ZDHHC5: variants seen among roughly 807,000 people sequenced by gnomAD.
The protein encoded by ZDHHC5 is palmitoyltransferase ZDHHC5.
In ZDHHC5, 22 loss-of-function variants were observed where a neutral mutation model predicts 70.0. The observed-to-expected ratio is 0.31, with a 90% CI of 0.22 to 0.45. ZDHHC5 has a LOEUF of 0.45. ZDHHC5 is among the 20% of genes least tolerant of loss of function. The probability of loss-of-function intolerance (pLI) is 1.00; values close to 1 mark genes in which losing one functional copy is unlikely to be tolerated. For missense variants in ZDHHC5, 746 were observed against 926.9 expected (o/e 0.80, Z 2.53); for synonymous variants, 313 against 347.8 (o/e 0.90, Z 1.11).
intron 3 of ZDHHC5, among the ~76,000 whole-genome samples, chr11:57,683,629 C>T (rs1304323362): frequency 6.6e-6 from 1 of 152,184 alleles, no homozygotes; most frequent in East Asian, 1.9e-4. Context: ...CAGATAGTTA[C>T]CCAGTGGGCA....
intron 8 of ZDHHC5, 133 bp from the exon 9 acceptor site, chr11:57,695,787 C>T: frequency 8.4e-7 from 1 of 1,192,546 alleles, no homozygotes; most frequent in Non-Finnish European, 1.1e-6. Context: ...CAGAGTGAGA[C>T]CTTGTCTCAA....
At position 57,672,101 on chromosome 11, in the gene ZDHHC5, A is replaced by G. The variant is rs1946014044; in HGVS notation, c.-990A>G. The G allele has an allele frequency of 1.3e-5, 5 of 395,192 alleles. No homozygotes were observed. The highest frequency in any genetic ancestry group is 2.2e-5 in the Non-Finnish European group (5 of 224,478). The allele number at this position is 395,192 out of a possible 1,614,324, so 24.5% of individuals were successfully genotyped here. ...AGATAAGAGACATTGACTAGTCTGG[A>G]AACAGGGACATCTTTGGAACTTCGT... On this transcript the variant is annotated 5_prime_UTR_variant, in exon 2 of 12. Coordinates refer to ENST00000287169, the MANE Select transcript of ZDHHC5 (RefSeq NM_015457.3).
At position 57,698,619 on chromosome 11, in the gene ZDHHC5, A is replaced by C. The variant is rs941340909; in HGVS notation, c.1183A>C (p.Ser395Arg). The change falls in exon 11 of 12, where the codon AGC (serine) becomes CGC (arginine). Residue 395 changes from serine to arginine, a missense_variant. Transcript: ENST00000287169. ...TSIAESSRHP[S>R]YRSEPSLEPE... ...AATTGCAGAGAGCAGCCGTCACCCC[A>C]GCTACCGCTCAGAGCCCAGCTTGGA... The C allele has an allele frequency of 5.0e-6, 8 of 1,614,058 alleles. No homozygotes were observed. The highest frequency in any genetic ancestry group is 6.8e-6 in the Non-Finnish European group (8 of 1,179,960).
chr11:57,690,522 C>G (rs530951587), intron 6 of ZDHHC5, 85 bp downstream of exon 6: 1 of 1,337,428 alleles, frequency 7.5e-7, no homozygotes, highest in East Asian at 2.3e-5. Context: ...AGTGCTTCCA[C>G]AAAGAGATGC....
intron 6 of ZDHHC5, 145 bp downstream of exon 6, chr11:57,690,582 G>T: frequency 1.1e-6 from 1 of 872,120 alleles, no homozygotes. Flanking sequence ...AGGGAGTGAG[G>T]TAGTCCTAGT....
chr11:57,668,756 C>A (rs1945960906), intron 1 of ZDHHC5, among the ~76,000 whole-genome samples: 3 of 152,236 alleles, frequency 2.0e-5, no homozygotes, highest in Admixed American at 2.0e-4. Context: ...CTCCTCCTAC[C>A]GCCACCAGCC....
At chr11:57,692,571 G>C in intron 6 of ZDHHC5, 40 bp from the exon 7 acceptor site, 2 of 1,590,452 alleles carry the variant, frequency 1.3e-6, no homozygotes, top group Non-Finnish European at 1.7e-6. Flanking sequence ...TGGAAGTCAA[G>C]GTCTCATCTT....
chr11:57,687,430 C>T (rs760828689), intron 3 of ZDHHC5, among the ~76,000 whole-genome samples: 16 of 151,888 alleles, frequency 1.1e-4, no homozygotes, highest in African/African-American at 3.1e-4. Flanking sequence ...AAATTAGCTG[C>T]CGAAGTGGCG....
At chr11:57,680,737 G>T (rs935306238) in intron 2 of ZDHHC5, among the ~76,000 whole-genome samples, 1 of 152,236 alleles carries the variant, frequency 6.6e-6, no homozygotes, top group South Asian at 2.1e-4. Context: ...TCCTTCTTAA[G>T]GAACCTAGGA....
Position 57,685,278 on chromosome 11 carries a change from T to C in ZDHHC5, c.226+2735T>C, listed in dbSNP as rs187780785. Among the ~76,000 whole-genome samples, 13 of 152,366 alleles carry C rather than the reference T, an allele frequency of 8.5e-5. No homozygotes were observed. In the East Asian group the frequency reaches 2.5e-3, roughly 29 times the overall value. ...CTAAAGCCAAGAAAGGCTATTTTAA[T>C]GAGCCTTTAATGTTCATTCATCAAA... On this transcript the variant is annotated intron_variant, in intron 3 of 11. Coordinates refer to ENST00000287169, the MANE Select transcript of ZDHHC5 (RefSeq NM_015457.3).
chr11:57,691,088 T>C (rs1946280002), intron 6 of ZDHHC5, among the ~76,000 whole-genome samples: 1 of 152,176 alleles, frequency 6.6e-6, no homozygotes, highest in African/African-American at 2.4e-5. Context: ...TTTTATTTTT[T>C]TGAGACAGAG....
intron 8 of ZDHHC5, among the ~76,000 whole-genome samples, chr11:57,694,682 A>AT (rs1444263097): frequency 2.0e-5 from 3 of 152,240 alleles, no homozygotes; most frequent in Admixed American, 2.0e-4. Flanking sequence ...CTTTAAGTTC[A>AT]TTAACAATAG....
At chr11:57,682,828 T>G (rs961494797) in intron 3 of ZDHHC5, among the ~76,000 whole-genome samples, 1 of 152,188 alleles carries the variant, frequency 6.6e-6, no homozygotes, top group African/African-American at 2.4e-5. Context: ...AGTGATTTGT[T>G]CAGCAGAAAT....
At chr11:57,689,035 G>C (rs1287892579) in intron 4 of ZDHHC5, among the ~76,000 whole-genome samples, 4 of 152,098 alleles carry the variant, frequency 2.6e-5, no homozygotes, top group Non-Finnish European at 5.9e-5. Flanking sequence ...TGCACTAGCA[G>C]GGTGTAGGCT....
At chr11:57,690,572 A>T in intron 6 of ZDHHC5, 135 bp downstream of exon 6, 1 of 954,552 alleles carries the variant, frequency 1.0e-6, no homozygotes, top group African/African-American at 1.6e-5. Context: ...GATTAATGGT[A>T]GGGAGTGAGG....
intron 3 of ZDHHC5, among the ~76,000 whole-genome samples, chr11:57,683,740 A>T (rs1228038369): frequency 1.3e-5 from 2 of 152,170 alleles, no homozygotes; most frequent in African/African-American, 2.4e-5. Flanking sequence ...CTGTGAGATT[A>T]TGAAAGAACT....
chr11:57,699,899 A>G lies in ZDHHC5; in HGVS notation c.2016A>G (p.Lys672=). Residue 672 remains lysine (K), a synonymous_variant, in exon 12 of 12, where the codon AAA becomes AAG. Transcript: ENST00000287169. ...TACAGCTGAAGACCACCTACAGCAAATCCAACGGGCAGCCCAAGAGCTTAG... is the reference window on the plus strand; with the variant it reads ...TACAGCTGAAGACCACCTACAGCAAGTCCAACGGGCAGCCCAAGAGCTTAG... ...DEVQLKTTYS[K]SNGQPKSLGS... 1 of 1,614,204 alleles carries G rather than the reference A, an allele frequency of 6.2e-7. No individual in the cohort carries two copies. The highest frequency in any genetic ancestry group is 8.5e-7 in the Non-Finnish European group (1 of 1,180,022).
intron 2 of ZDHHC5, among the ~76,000 whole-genome samples, chr11:57,675,811 A>G (rs1946064879): frequency 6.6e-6 from 1 of 152,218 alleles, no homozygotes; most frequent in African/African-American, 2.4e-5. Flanking sequence ...CTTAAAAACT[A>G]TCCTCTCATG....
chr11:57,670,119 T>A (rs1016319934), intron 1 of ZDHHC5, among the ~76,000 whole-genome samples: 2 of 152,180 alleles, frequency 1.3e-5, no homozygotes, highest in African/African-American at 4.8e-5. Flanking sequence ...CTAGATAAAA[T>A]TTAAGTAGTA....
Sources: allele counts gnomAD v4.1 joint callset (sites outside exome capture counted in the v4.1 genomes callset), GRCh38; gene constraint gnomAD v4.1.1; transcripts MANE v1.5; gene names NCBI Gene and HGNC (gene_info 2026-07-23, HGNC 2026-07-21).